The following PTPRD variants were observed in gnomAD, a reference collection of about 807,000 sequenced individuals.
The protein encoded by PTPRD is receptor-type tyrosine-protein phosphatase delta.
A neutral mutation model predicts 214.5 loss-of-function variants in PTPRD; 34 were observed. The ratio of observed to expected loss-of-function variants is 0.16; its 90% CI spans 0.12 to 0.21. PTPRD has a LOEUF of 0.21. PTPRD is among the 10% of genes least tolerant of loss of function. PTPRD has a pLI of 1.00. For missense variants in PTPRD, 2,545 were observed against 2,398.7 expected (o/e 1.06, Z -1.27); for synonymous variants, 1,128 against 845.7 (o/e 1.33, Z -5.79).
At chr9:10,470,018 G>T (rs1022224001) in intron 2 of PTPRD, among the ~76,000 whole-genome samples, 1 of 151,976 alleles carries the variant, frequency 6.6e-6, no homozygotes, top group African/African-American at 2.4e-5. Context: ...ATTTGGGAGG[G>T]GGAATAAAGA....
intron 3 of PTPRD, among the ~76,000 whole-genome samples, chr9:10,150,161 A>G (rs567725042): frequency 1.5e-4 from 23 of 152,338 alleles, no homozygotes; most frequent in Non-Finnish European, 2.9e-5. Context: ...GTTTAAAGAT[A>G]TTTTCAAAGA....
chr9:9,645,229 G>A (rs1336337374), intron 7 of PTPRD, among the ~76,000 whole-genome samples: 2 of 152,110 alleles, frequency 1.3e-5, no homozygotes, highest in Non-Finnish European at 2.9e-5. Flanking sequence ...GAGCCTTGTG[G>A]GCCCTTGGGT....
At chr9:9,014,777 C>T (rs2099527472) in intron 11 of PTPRD, among the ~76,000 whole-genome samples, 4 of 152,058 alleles carry the variant, frequency 2.6e-5, no homozygotes, top group Admixed American at 1.3e-4. Flanking sequence ...ACTTAAAACA[C>T]GATGTTTAGA....
intron 8 of PTPRD, among the ~76,000 whole-genome samples, chr9:9,465,672 A>T (rs1040092453): frequency 2.6e-5 from 4 of 152,106 alleles, no homozygotes; most frequent in African/African-American, 4.8e-5. Context: ...CCCAAACCCA[A>T]TGCGTTCTGG....
intron 4 of PTPRD, among the ~76,000 whole-genome samples, chr9:9,991,603 C>T (rs981171641): frequency 1.3e-5 from 2 of 151,812 alleles, no homozygotes; most frequent in African/African-American, 4.8e-5. Context: ...TCAGGTGATC[C>T]ACCTGCCTTG....
intron 14 of PTPRD, among the ~76,000 whole-genome samples, chr9:8,569,348 G>C (rs1196374368): frequency 3.9e-5 from 6 of 152,142 alleles, no homozygotes; most frequent in African/African-American, 1.4e-4. Flanking sequence ...CCTCCAAACT[G>C]CTTGAAATTA....
intron 14 of PTPRD, among the ~76,000 whole-genome samples, chr9:8,581,038 C>T (rs1226738264): frequency 6.6e-6 from 1 of 152,096 alleles, no homozygotes; most frequent in African/African-American, 2.4e-5. Flanking sequence ...CAAACACACT[C>T]TGCAGAAAAG....
intron 2 of PTPRD, among the ~76,000 whole-genome samples, chr9:10,449,713 T>TCC (rs2098826542): frequency 7.0e-6 from 1 of 143,292 alleles, no homozygotes; most frequent in African/African-American, 2.8e-5. Flanking sequence ...GGAGCCCCTC[T>TCC]GCCCGGCAGC....
chr9:9,127,858 G>A (rs550813069), intron 10 of PTPRD, among the ~76,000 whole-genome samples: 11 of 152,288 alleles, frequency 7.2e-5, no homozygotes, highest in African/African-American at 2.6e-4. Flanking sequence ...AGGAAGAAAA[G>A]GAAGCACCCT....
intron 8 of PTPRD, among the ~76,000 whole-genome samples, chr9:9,471,447 A>C (rs112203396): frequency 0.017 from 2,526 of 152,240 alleles, 54 homozygotes; most frequent in African/African-American, 0.056. Flanking sequence ...TAATAAATCA[A>C]ATTGTTGACA....
intron 8 of PTPRD, among the ~76,000 whole-genome samples, chr9:9,573,462 A>G (rs2087233467): frequency 6.6e-6 from 1 of 151,388 alleles, no homozygotes; most frequent in Non-Finnish European, 1.5e-5. Flanking sequence ...GGTGTAATTC[A>G]TTTTGTAACA....
intron 8 of PTPRD, among the ~76,000 whole-genome samples, chr9:9,443,154 C>G (rs533937223): frequency 6.6e-6 from 1 of 152,122 alleles, no homozygotes; most frequent in Admixed American, 6.5e-5. Flanking sequence ...TTCTTAATAT[C>G]CATTCCTCTT....
At chr9:9,491,490 T>C (rs2095894783) in intron 8 of PTPRD, among the ~76,000 whole-genome samples, 1 of 151,732 alleles carries the variant, frequency 6.6e-6, no homozygotes, top group Non-Finnish European at 1.5e-5. Flanking sequence ...CAGCATAAAC[T>C]TTCTTCTCAA....
intron 7 of PTPRD, among the ~76,000 whole-genome samples, chr9:9,714,165 G>A (rs1297442819): frequency 1.3e-5 from 2 of 150,696 alleles, no homozygotes; most frequent in East Asian, 2.0e-4. Context: ...ATTTAAAGCT[G>A]AAATGAAGTT....
rs550005982 is a variant in PTPRD at position 9,797,871 on chromosome 9, AT to A, written c.-367-31021del. On this transcript the variant is annotated intron_variant, in intron 5 of 45. Coordinates refer to ENST00000381196, the MANE Select transcript of PTPRD (RefSeq NM_002839.4). ...CTCAAAAAAATAAAAAATAAAAAAA[AT>A]CATCCTCTGTCATAAAATTGGGAAG... Among the ~76,000 whole-genome samples, 47 of 152,264 alleles carry A rather than the reference AT, an allele frequency of 3.1e-4. 2 individuals carry two copies. The South Asian group carries it at 9.3e-3, about 30-fold the overall frequency.
chr9:8,927,170 C>T (rs551505879), intron 11 of PTPRD, among the ~76,000 whole-genome samples: 1 of 152,244 alleles, frequency 6.6e-6, no homozygotes, highest in African/African-American at 2.4e-5. Context: ...CCTACCTCTA[C>T]ACCTTCTCTT....
At chr9:9,039,684 AC>A (rs2099633212) in intron 10 of PTPRD, among the ~76,000 whole-genome samples, 1 of 152,174 alleles carries the variant, frequency 6.6e-6, no homozygotes, top group Non-Finnish European at 1.5e-5. Flanking sequence ...AATTCAGCCA[AC>A]TTGCCTTGAT....
Position 9,931,917 on chromosome 9 carries a change from C to T in PTPRD, c.-368+6590G>A, listed in dbSNP as rs7029149. Among the ~76,000 whole-genome samples, 619 of 151,320 alleles carry T rather than the reference C, an allele frequency of 4.1e-3. 5 individuals are homozygous for T. The highest frequency in any genetic ancestry group is 0.014 in the African/African-American group (581 of 41,068). On this transcript the variant is annotated intron_variant, in intron 5 of 45. Transcript: ENST00000381196. ...ACTGCCTCCTCAAGTGGGTCCCTGA[C>T]CCCTGACCCCCGAGCAGCCTAACTG...
intron 7 of PTPRD, among the ~76,000 whole-genome samples, chr9:9,578,678 A>C (rs1396303381): frequency 6.6e-6 from 1 of 152,090 alleles, no homozygotes; most frequent in Non-Finnish European, 1.5e-5. Context: ...ATTGTATCTC[A>C]TGTATCCTCA....
Sources: allele counts gnomAD v4.1 joint callset (sites outside exome capture counted in the v4.1 genomes callset), GRCh38; gene constraint gnomAD v4.1.1; transcripts MANE v1.5; gene names NCBI Gene and HGNC (gene_info 2026-07-23, HGNC 2026-07-21).